FSHR: variants seen among roughly 807,000 people sequenced by gnomAD.
FSHR encodes the protein follicle stimulating hormone receptor.
A neutral mutation model predicts 52.1 loss-of-function variants in FSHR; 46 were observed. That is an observed-to-expected ratio of 0.88 (90% CI 0.70 to 1.13). The LOEUF (loss-of-function observed/expected upper bound fraction) is 1.13, where lower values mean the gene tolerates loss of function less well. Among genes scored for constraint, FSHR ranks in the 50% most tolerant of loss-of-function variants. The pLI is 0.00. For missense variants in FSHR, 964 were observed against 834.6 expected (o/e 1.16, Z -1.91); for synonymous variants, 399 against 309.6 (o/e 1.29, Z -3.03).
chr2:49,125,367 A>C (rs1002639106), intron 1 of FSHR, among the ~76,000 whole-genome samples: 1 of 152,224 alleles, frequency 6.6e-6, no homozygotes, highest in Non-Finnish European at 1.5e-5. Flanking sequence ...AAAGTTTACA[A>C]GTTTGTGTTG....
intron 1 of FSHR, among the ~76,000 whole-genome samples, chr2:49,122,728 T>C (rs1221423866): frequency 2.6e-5 from 4 of 152,184 alleles, no homozygotes; most frequent in Admixed American, 2.6e-4. Context: ...ATGGAAGCTA[T>C]TATTCTCTGC....
rs367659461 is a variant in FSHR, at chr2:49,012,447, G to T, written c.374+5042C>A. 4.2e-4 allele frequency among the ~76,000 whole-genome samples: 64 copies of T among 152,100 alleles called. No homozygotes were observed. The South Asian group carries it at 0.011, about 26-fold the overall frequency. ...TAACCACTTAAGGTTCCTCAGTGAAGCATGAAGGCATTGATGAAGAGCACT... is the reference window on the plus strand; with the variant it reads ...TAACCACTTAAGGTTCCTCAGTGAATCATGAAGGCATTGATGAAGAGCACT... On this transcript the variant is annotated intron_variant, in intron 4 of 9. Transcript: ENST00000406846.
intron 2 of FSHR, among the ~76,000 whole-genome samples, chr2:49,027,639 C>G (rs1667953218): frequency 6.6e-6 from 1 of 152,130 alleles, no homozygotes; most frequent in South Asian, 2.1e-4. Context: ...CACTTGATGT[C>G]AGGAGTTTCA....
intron 4 of FSHR, among the ~76,000 whole-genome samples, chr2:49,016,078 G>C (rs1667481815): frequency 1.3e-5 from 2 of 152,120 alleles, no homozygotes; most frequent in Non-Finnish European, 1.5e-5. Flanking sequence ...CTCATTCAGA[G>C]AGCTAAGGCA....
chr2:49,123,895 T>A (rs1671907226), intron 1 of FSHR, among the ~76,000 whole-genome samples: 1 of 152,196 alleles, frequency 6.6e-6, no homozygotes, highest in African/African-American at 2.4e-5. Flanking sequence ...GGCTTAAGTC[T>A]GTAGCTGTAG....
At position 48,970,936 on chromosome 2, in the gene FSHR, C is replaced by G. The variant is rs539118557; in HGVS notation, c.669-2053G>C. ...TGTTTCAAATCAGCCTACTTCCCTC[C>G]TCTCCTGTGACTTTGGTCTAAGTCA... On this transcript the variant is annotated intron_variant, in intron 8 of 9. Coordinates refer to ENST00000406846, the MANE Select transcript of FSHR (RefSeq NM_000145.4). Among the ~76,000 whole-genome samples the G allele has an allele frequency of 5.6e-4, 86 of 152,286 alleles. 1 individual carries two copies. The highest frequency in any genetic ancestry group is 2.0e-3 in the African/African-American group (84 of 41,570).
At chr2:48,964,622 C>G (rs1046474729) in intron 9 of FSHR, among the ~76,000 whole-genome samples, 1 of 152,138 alleles carries the variant, frequency 6.6e-6, no homozygotes, top group Non-Finnish European at 1.5e-5. Flanking sequence ...GTAAGCCTGG[C>G]TCTCTCATAT....
At chr2:49,151,905 T>A (rs1350321706) in intron 1 of FSHR, among the ~76,000 whole-genome samples, 1 of 152,178 alleles carries the variant, frequency 6.6e-6, no homozygotes, top group East Asian at 1.9e-4. Context: ...TTTTATCTAC[T>A]CTTCAGTGAT....
At chr2:48,988,344 G>A (rs1181805363) in intron 6 of FSHR, among the ~76,000 whole-genome samples, 1 of 152,064 alleles carries the variant, frequency 6.6e-6, no homozygotes, top group Non-Finnish European at 1.5e-5. Flanking sequence ...AACTTTCATG[G>A]ATCCCAGGCA....
chr2:48,968,178 GAGA>G (rs1363905120), intron 9 of FSHR, among the ~76,000 whole-genome samples: 2 of 152,148 alleles, frequency 1.3e-5, no homozygotes, highest in Non-Finnish European at 2.9e-5. Flanking sequence ...CCAAAGTAAT[GAGA>G]TGTCTTAATC....
rs1670510122 is a variant in FSHR at position 48,962,677 on chromosome 2, T to C, written c.*56A>G. 2.6e-5 allele frequency: 40 copies of C among 1,561,484 alleles called. No individual in the cohort carries two copies. The South Asian group carries it at 4.1e-4, about 16-fold the overall frequency. On this transcript the variant is annotated 3_prime_UTR_variant, in exon 10 of 10. Coordinates refer to ENST00000406846, the MANE Select transcript of FSHR (RefSeq NM_000145.4). ...ACTGTCAGCTCTTTGTGACATACCC[T>C]TCAAAGGCAAGACTGAATTATCATT...
intron 2 of FSHR, among the ~76,000 whole-genome samples, chr2:49,051,153 T>G (rs1668842753): frequency 6.6e-6 from 1 of 152,154 alleles, no homozygotes; most frequent in Admixed American, 6.5e-5. Context: ...GACATTTGAG[T>G]GATTTTCTGT....
chr2:49,086,424 T>A (rs192264793), intron 1 of FSHR, among the ~76,000 whole-genome samples: 27 of 152,224 alleles, frequency 1.8e-4, no homozygotes, highest in African/African-American at 5.8e-4. Flanking sequence ...TGTCAGTGAG[T>A]CAGAGTCCTT....
intron 1 of FSHR, among the ~76,000 whole-genome samples, chr2:49,152,540 T>C (rs1296637679): frequency 6.6e-6 from 1 of 152,120 alleles, no homozygotes; most frequent in Non-Finnish European, 1.5e-5. Context: ...CTTTTCTCTT[T>C]TTTGGCCTAT....
At chr2:49,006,677 TC>T (rs1342301068) in intron 4 of FSHR, among the ~76,000 whole-genome samples, 2 of 152,134 alleles carry the variant, frequency 1.3e-5, no homozygotes, top group African/African-American at 4.8e-5. Flanking sequence ...GGGTCAGTCT[TC>T]TCACTCAGGA....
At chr2:49,003,685 C>G (rs1201179680) in intron 4 of FSHR, among the ~76,000 whole-genome samples, 1 of 152,094 alleles carries the variant, frequency 6.6e-6, no homozygotes, top group Non-Finnish European at 1.5e-5. Context: ...CAGGTGCAAG[C>G]ATCTGGATCA....
chr2:49,105,836 A>G (rs551364026), intron 1 of FSHR, among the ~76,000 whole-genome samples: 4 of 152,146 alleles, frequency 2.6e-5, no homozygotes, highest in Non-Finnish European at 4.4e-5. Flanking sequence ...GGCTGGCTGT[A>G]TGTTCCAAGT....
intron 8 of FSHR, among the ~76,000 whole-genome samples, chr2:48,969,938 G>A (rs552939698): frequency 2.0e-5 from 3 of 152,302 alleles, no homozygotes; most frequent in African/African-American, 4.8e-5. Context: ...CAGCTTGGCC[G>A]TGAGTGGGTA....
chr2:49,060,649 A>AT (rs1669252704), intron 2 of FSHR, among the ~76,000 whole-genome samples: 1 of 152,200 alleles, frequency 6.6e-6, no homozygotes, highest in Non-Finnish European at 1.5e-5. Context: ...CTGAGCTGTT[A>AT]TAGTATCCTG....
Sources: allele counts gnomAD v4.1 joint callset (sites outside exome capture counted in the v4.1 genomes callset), GRCh38; gene constraint gnomAD v4.1.1; transcripts MANE v1.5; gene names NCBI Gene and HGNC (gene_info 2026-07-23, HGNC 2026-07-21).